CACNA2D3: variants seen among roughly 807,000 people sequenced by gnomAD.
CACNA2D3 encodes calcium voltage-gated channel auxiliary subunit alpha2delta 3.
A neutral mutation model predicts 160.6 loss-of-function variants in CACNA2D3; 60 were observed. The observed-to-expected ratio is 0.37, with a 90% CI of 0.30 to 0.46. The LOEUF (loss-of-function observed/expected upper bound fraction) is 0.46. Ranked by LOEUF, CACNA2D3 falls within the 20% of genes least tolerant of loss-of-function variation. The probability of loss-of-function intolerance (pLI) is 1.00; values close to 1 mark genes in which losing one functional copy is unlikely to be tolerated. For synonymous variants in CACNA2D3, 558 were observed against 492.9 expected, an observed-to-expected ratio of 1.13 and a Z score of -1.75; for missense variants, 1,205 against 1,365.0, an observed-to-expected ratio of 0.88 and a Z score of 1.85.
At chr3:55,018,145 G>A (rs1248357091) in intron 34 of CACNA2D3, 61 bp from the exon 35 acceptor site, 1 of 1,043,474 alleles carries the variant, frequency 9.6e-7, no homozygotes, top group Non-Finnish European at 1.5e-6. Flanking sequence ...TGGGCTGCCA[G>A]TCACAATTTT....
At chr3:55,037,297 T>C (rs1166496097) in intron 35 of CACNA2D3, among the ~76,000 whole-genome samples, 1 of 152,170 alleles carries the variant, frequency 6.6e-6, no homozygotes, top group Non-Finnish European at 1.5e-5. Context: ...GGAGATGTGG[T>C]TAAAACACAA....
chr3:54,574,563 A>T (rs1045479573), intron 8 of CACNA2D3, among the ~76,000 whole-genome samples: 1 of 152,218 alleles, frequency 6.6e-6, no homozygotes, highest in African/African-American at 2.4e-5. Context: ...GAAATATGAG[A>T]GTAATTTTGT....
At chr3:54,421,986 A>G (rs1378463945) in intron 4 of CACNA2D3, among the ~76,000 whole-genome samples, 1 of 151,944 alleles carries the variant, frequency 6.6e-6, no homozygotes, top group East Asian at 1.9e-4. Context: ...CTTATAATTC[A>G]TTTGTAGCTT....
At chr3:54,474,788 T>C (rs1224025964) in intron 4 of CACNA2D3, among the ~76,000 whole-genome samples, 8 of 152,120 alleles carry the variant, frequency 5.3e-5, no homozygotes, top group African/African-American at 1.9e-4. Context: ...ATTGAACTTT[T>C]TCATTTTTCA....
At chr3:54,949,149 A>T (rs966812298) in intron 27 of CACNA2D3, among the ~76,000 whole-genome samples, 4 of 152,204 alleles carry the variant, frequency 2.6e-5, no homozygotes, top group Admixed American at 2.0e-4. Flanking sequence ...TAAAAGTTTC[A>T]GTTCAATGTC....
intron 5 of CACNA2D3, among the ~76,000 whole-genome samples, chr3:54,532,434 C>G (rs563904922): frequency 4.6e-5 from 7 of 152,248 alleles, no homozygotes; most frequent in Admixed American, 2.0e-4. Flanking sequence ...TACATTATAC[C>G]CAATAAGGAA....
intron 8 of CACNA2D3, among the ~76,000 whole-genome samples, chr3:54,578,946 C>G (rs1230294420): frequency 6.6e-6 from 1 of 152,154 alleles, no homozygotes; most frequent in East Asian, 1.9e-4. Context: ...TTAGTGTATT[C>G]TTATGCATAA....
chr3:54,203,851 G>T (rs1393735710), intron 2 of CACNA2D3, among the ~76,000 whole-genome samples: 3 of 151,892 alleles, frequency 2.0e-5, no homozygotes, highest in Non-Finnish European at 4.4e-5. Context: ...GCTTGCTAGG[G>T]TCTCAGATTT....
chr3:54,464,836 TG>T (rs1340384133), intron 4 of CACNA2D3, among the ~76,000 whole-genome samples: 1 of 152,220 alleles, frequency 6.6e-6, no homozygotes, highest in Non-Finnish European at 1.5e-5. Flanking sequence ...GTACCTCAGA[TG>T]GAAATGCAGA....
chr3:55,052,982 AAAC>A (rs1381392242), intron 35 of CACNA2D3, among the ~76,000 whole-genome samples: 1 of 152,050 alleles, frequency 6.6e-6, no homozygotes, highest in Non-Finnish European at 1.5e-5. Flanking sequence ...TATTTTTTTT[AAAC>A]AACTTGCCAC....
chr3:54,425,692 G>T (rs768438468), intron 4 of CACNA2D3, among the ~76,000 whole-genome samples: 6 of 152,116 alleles, frequency 3.9e-5, no homozygotes, highest in African/African-American at 1.2e-4. Context: ...GATCACTTTT[G>T]GGGGAGCTCA....
At chr3:54,493,169 C>T (rs1418293091) in intron 4 of CACNA2D3, among the ~76,000 whole-genome samples, 1 of 141,384 alleles carries the variant, frequency 7.1e-6, no homozygotes, top group Non-Finnish European at 1.5e-5. Flanking sequence ...CCTCCGCCTC[C>T]TGGGTTCAAG....
chr3:54,888,997 G>A (rs1243412097), intron 24 of CACNA2D3, among the ~76,000 whole-genome samples: 1 of 152,202 alleles, frequency 6.6e-6, no homozygotes, highest in Admixed American at 6.5e-5. Flanking sequence ...AAGTGTAACA[G>A]ATCTAAAGTG....
rs183089082 is a variant in CACNA2D3, at chr3:54,887,000, C to T, written c.2057-959C>T. ...CTGTCCCATGTGATAATTAGTTATC[C>T]TCCTCTGCAGAGTGATTTGAAAACT... On this transcript the variant is annotated intron_variant, in intron 23 of 37. Coordinates refer to ENST00000474759, the MANE Select transcript of CACNA2D3 (RefSeq NM_018398.3). 5.5e-5 allele frequency among the ~76,000 whole-genome samples: 7 copies of T among 128,220 alleles called. No homozygotes were observed. The East Asian group carries it at 1.6e-3, about 29-fold the overall frequency. The allele number at this position is 128,220 out of a possible 152,430, so 84.1% of individuals were successfully genotyped here. A position where few individuals can be genotyped will look rare whatever the true frequency, so the allele number is the denominator to read the frequency against.
intron 13 of CACNA2D3, among the ~76,000 whole-genome samples, chr3:54,802,470 T>C (rs1195893632): frequency 6.6e-6 from 1 of 152,226 alleles, no homozygotes; most frequent in Non-Finnish European, 1.5e-5. Context: ...TTGAGGAAAT[T>C]ACTCCTGAGT....
chr3:54,636,951 G>A (rs1575398072), intron 10 of CACNA2D3, among the ~76,000 whole-genome samples: 1 of 151,942 alleles, frequency 6.6e-6, no homozygotes, highest in East Asian at 1.9e-4. Flanking sequence ...GGGTGCAAAG[G>A]AATAGTAAAG....
rs191448398 is a variant in CACNA2D3 at position 54,819,674 on chromosome 3, G to A, written c.1398+2804G>A. Among the ~76,000 whole-genome samples the A allele has an allele frequency of 2.6e-5, 4 of 152,192 alleles. No individual in the cohort carries two copies. In the East Asian group the frequency reaches 5.8e-4, roughly 22 times the overall value. On this transcript the variant is annotated intron_variant, in intron 14 of 37. Coordinates refer to ENST00000474759, the MANE Select transcript of CACNA2D3 (RefSeq NM_018398.3). ...ATCCTGGCCAACATGGTGAAACCACGTCTCTTCTAAAAATACAAAAATTAG... is the reference window on the plus strand; with the variant it reads ...ATCCTGGCCAACATGGTGAAACCACATCTCTTCTAAAAATACAAAAATTAG...
At chr3:54,678,239 T>C (rs1380050933) in intron 11 of CACNA2D3, among the ~76,000 whole-genome samples, 1 of 152,172 alleles carries the variant, frequency 6.6e-6, no homozygotes, top group African/African-American at 2.4e-5. Flanking sequence ...GGTGTGGTTA[T>C]GGAGAAGTTA....
chr3:55,001,911 C>T (rs1467542647), intron 31 of CACNA2D3, among the ~76,000 whole-genome samples: 3 of 152,226 alleles, frequency 2.0e-5, no homozygotes, highest in African/African-American at 7.2e-5. Flanking sequence ...ATAATCCCAG[C>T]ATTTTGGGAG....
Sources: allele counts gnomAD v4.1 joint callset (sites outside exome capture counted in the v4.1 genomes callset), GRCh38; gene constraint gnomAD v4.1.1; transcripts MANE v1.5; gene names NCBI Gene and HGNC (gene_info 2026-07-23, HGNC 2026-07-21).